EIF2AK4: variants seen among roughly 807,000 people sequenced by gnomAD.
The protein encoded by EIF2AK4 is eIF-2-alpha kinase GCN2.
Under a neutral mutation model 211.1 loss-of-function variants are expected in EIF2AK4, and 139 were observed. That is an observed-to-expected ratio of 0.66 (90% CI 0.57 to 0.76). The LOEUF (loss-of-function observed/expected upper bound fraction) is 0.76. EIF2AK4 is among the 30% of genes least tolerant of loss of function. EIF2AK4 has a pLI of 0.00. For missense variants in EIF2AK4, 1,664 were observed against 2,043.8 expected (o/e 0.81, Z 3.58); for synonymous variants, 710 against 751.3 (o/e 0.94, Z 0.90).
chr15:39,984,705 A>G (rs1369921723), intron 13 of EIF2AK4, among the ~76,000 whole-genome samples: 1 of 152,216 alleles, frequency 6.6e-6, no homozygotes, highest in Non-Finnish European at 1.5e-5. Context: ...TTGATTTTGT[A>G]TCCTGAGACT....
At chr15:40,000,731 A>AT (rs200523187) in intron 20 of EIF2AK4, among the ~76,000 whole-genome samples, 37 of 151,850 alleles carry the variant, frequency 2.4e-4, no homozygotes, top group Non-Finnish European at 4.3e-4. Context: ...TGTTGATTTG[A>AT]TTTTTTTTGG....
At chr15:40,023,641 G>A (rs1230102345) in intron 32 of EIF2AK4, among the ~76,000 whole-genome samples, 1 of 152,124 alleles carries the variant, frequency 6.6e-6, no homozygotes, top group Non-Finnish European at 1.5e-5. Context: ...GACCTGATAT[G>A]GGTAATTTGT....
intron 3 of EIF2AK4, among the ~76,000 whole-genome samples, chr15:39,945,746 G>A (rs144497650): frequency 2.8e-4 from 42 of 152,332 alleles, no homozygotes; most frequent in African/African-American, 9.1e-4. Context: ...AGACTGACTC[G>A]CTTGTTAGGA....
intron 22 of EIF2AK4, 104 bp downstream of exon 22, chr15:40,002,892 C>T: frequency 7.6e-7 from 1 of 1,307,510 alleles, no homozygotes; most frequent in Non-Finnish European, 1.1e-6. Flanking sequence ...CTTTCAAATT[C>T]AGTTATAAAT....
chr15:39,976,374 A>G (rs2034691878), intron 11 of EIF2AK4, 40 bp from the exon 12 acceptor site: 1 of 1,541,506 alleles, frequency 6.5e-7, no homozygotes, highest in Non-Finnish European at 8.7e-7. Context: ...CTGTTTGTGC[A>G]AGGCTCCGAG....
chr15:39,973,938 T>C (rs1417471750), intron 11 of EIF2AK4, 189 bp downstream of exon 11: 1 of 528,938 alleles, frequency 1.9e-6, no homozygotes, highest in African/African-American at 1.9e-5. Context: ...CAGTTGAGAA[T>C]TGTCCCACTC....
At chr15:39,955,528 T>C in intron 5 of EIF2AK4, 92 bp from the exon 6 acceptor site, 2 of 1,316,404 alleles carry the variant, frequency 1.5e-6, no homozygotes, top group African/African-American at 3.1e-5. Context: ...CAGCTTAAAA[T>C]TTGCATTCTA....
intron 18 of EIF2AK4, among the ~76,000 whole-genome samples, chr15:39,994,075 C>A (rs12901892): frequency 0.82 from 124,645 of 152,090 alleles, 53,816 homozygotes; most frequent in Non-Finnish European, 0.98. Context: ...AACCTAAGGA[C>A]AGACATAAGA....
chr15:40,005,422 G>T (rs911643440), intron 23 of EIF2AK4, among the ~76,000 whole-genome samples: 3 of 151,450 alleles, frequency 2.0e-5, no homozygotes, highest in African/African-American at 7.3e-5. Flanking sequence ...ACTTGAACCC[G>T]GGAGGCGGAG....
chr15:40,025,709 C>T (rs2035457721), intron 32 of EIF2AK4, among the ~76,000 whole-genome samples: 1 of 152,150 alleles, frequency 6.6e-6, no homozygotes, highest in African/African-American at 2.4e-5. Flanking sequence ...TCAACAGCAG[C>T]GCTGTTCACA....
At chr15:39,948,582 C>T (rs2034261669) in intron 3 of EIF2AK4, among the ~76,000 whole-genome samples, 1 of 152,188 alleles carries the variant, frequency 6.6e-6, no homozygotes, top group South Asian at 2.1e-4. Context: ...TATTTATCAG[C>T]TTTTTATTGA....
At chr15:39,966,384 G>C (rs541675773) in intron 8 of EIF2AK4, among the ~76,000 whole-genome samples, 2 of 151,400 alleles carry the variant, frequency 1.3e-5, no homozygotes, top group African/African-American at 2.4e-5. Context: ...TGGGATAATT[G>C]CTTGAGCCCG....
intron 22 of EIF2AK4, 51 bp downstream of exon 22, chr15:40,002,839 A>G: frequency 6.3e-7 from 1 of 1,591,044 alleles, no homozygotes; most frequent in South Asian, 1.1e-5. Flanking sequence ...GACTTTTTTC[A>G]TCATTAGAAA....
intron 32 of EIF2AK4, among the ~76,000 whole-genome samples, chr15:40,025,084 G>A (rs2035448638): frequency 6.6e-6 from 1 of 152,158 alleles, no homozygotes; most frequent in African/African-American, 2.4e-5. Context: ...TCGTGGTCCT[G>A]GAAGGGCCTT....
chr15:40,012,700 C>T (rs148687134), intron 27 of EIF2AK4, among the ~76,000 whole-genome samples: 25 of 151,790 alleles, frequency 1.6e-4, no homozygotes, highest in East Asian at 3.9e-4. Flanking sequence ...AATATACATT[C>T]GGACGTAATA....
chr15:39,971,402 T>C (rs114325441), intron 9 of EIF2AK4, among the ~76,000 whole-genome samples: 9,192 of 152,210 alleles, frequency 0.06, 459 homozygotes, highest in East Asian at 0.28. Context: ...CACTCACCTG[T>C]AATCCCAGCT....
intron 1 of EIF2AK4, among the ~76,000 whole-genome samples, chr15:39,938,971 C>A (rs1254439793): frequency 2.0e-5 from 3 of 152,188 alleles, no homozygotes; most frequent in African/African-American, 7.2e-5. Context: ...ATATGCAATT[C>A]TCTCCTTGTC....
At position 39,976,923 on chromosome 15, in the gene EIF2AK4, C is replaced by A. The variant is rs940257623; in HGVS notation, c.2249+79C>A. Reference sequence around the variant, plus strand: ...TTTATTTTTTTTTCCTTTTTCCTTTCATTTCCTTCCTTCCTTCTTTCCTTC... The same window carrying A: ...TTTATTTTTTTTTCCTTTTTCCTTTAATTTCCTTCCTTCCTTCTTTCCTTC... On this transcript the variant is annotated intron_variant, in intron 12 of 38. Coordinates refer to ENST00000263791, the MANE Select transcript of EIF2AK4 (RefSeq NM_001013703.4). The A allele has an allele frequency of 1.4e-5, 17 of 1,223,136 alleles. No individual in the cohort carries two copies. In the African/African-American group the frequency reaches 2.7e-4, roughly 20 times the overall value. The allele number at this position is 1,223,136 out of a possible 1,614,324, so 75.8% of individuals were successfully genotyped here.
chr15:40,017,538 T>C lies in EIF2AK4; in HGVS notation c.4065+296T>C, dbSNP rs1170508223. Among the ~76,000 whole-genome samples the C allele has an allele frequency of 1.9e-5, 2 of 103,630 alleles. 1 individual carries two copies. The highest frequency in any genetic ancestry group is 8.7e-5 in the African/African-American group (2 of 22,896). The allele number at this position is 103,630 out of a possible 152,430, so 68.0% of individuals were successfully genotyped here. A position where few individuals can be genotyped will look rare whatever the true frequency, so the allele number is the denominator to read the frequency against. ...ATATATATATATATATATATATATA[T>C]ATATATATATATATATGTATTTTGG... On this transcript the variant is annotated intron_variant, in intron 29 of 38. Transcript: ENST00000263791.
Sources: gnomAD v4.1 joint callset for allele counts (sites outside exome capture counted in the v4.1 genomes callset) on GRCh38, gnomAD v4.1.1 for gene constraint, MANE v1.5 for transcripts, NCBI Gene and HGNC (gene_info 2026-07-23, HGNC 2026-07-21) for gene names.